Variants in PRRC2B observed in about 807,000 individuals in gnomAD.
PRRC2B encodes proline rich coiled-coil 2B, also known as protein PRRC2B.
PRRC2B carries 68 observed loss-of-function variants against 242.3 expected under a neutral mutation model. The ratio of observed to expected loss-of-function variants is 0.28; its 90% CI spans 0.23 to 0.34. PRRC2B has a LOEUF of 0.34. PRRC2B is among the 10% of genes least tolerant of loss of function. PRRC2B has a pLI of 1.00. For missense variants in PRRC2B, 2,835 were observed against 2,954.8 expected (o/e 0.96, Z 0.94); for synonymous variants, 1,228 against 1,173.6 (o/e 1.05, Z -0.95).
Position 131,475,545 on chromosome 9 carries a change from C to T in PRRC2B, c.3416C>T (p.Ser1139Leu), listed in dbSNP as rs745818187. The T allele has an allele frequency of 2.5e-6, 4 of 1,612,680 alleles. No individual in the cohort carries two copies. The highest frequency in any genetic ancestry group is 3.4e-6 in the Non-Finnish European group (4 of 1,179,778). Residue 1139 changes from serine to leucine, a missense_variant, in exon 16 of 32, where the codon TCA (serine) becomes TTA (leucine). Ser to Leu is a moderately radical substitution (Grantham distance 145). Coordinates refer to ENST00000683519, the MANE Select transcript of PRRC2B (RefSeq NM_013318.4). Reference protein sequence around the residue: ...RVASETHSEGSEYEELPKRRR... With the variant: ...RVASETHSEGLEYEELPKRRR... ...GCCAGTGAGACCCATAGCGAGGGCT[C>T]AGAGTATGAAGAACTTCCCAAGCGC...
At chr9:131,463,028 G>T (rs1034760883) in intron 11 of PRRC2B, among the ~76,000 whole-genome samples, 10 of 152,036 alleles carry the variant, frequency 6.6e-5, no homozygotes, top group African/African-American at 2.4e-4. Flanking sequence ...AGGCGTGAAG[G>T]CTATGTGCAG....
intron 1 of PRRC2B, among the ~76,000 whole-genome samples, chr9:131,428,089 T>C (rs1838022456): frequency 6.6e-6 from 1 of 151,548 alleles, no homozygotes; most frequent in South Asian, 2.1e-4. Flanking sequence ...GCCCAGCTAA[T>C]TTTTGTATTT....
intron 1 of PRRC2B, among the ~76,000 whole-genome samples, chr9:131,399,716 A>G (rs555882412): frequency 2.0e-5 from 3 of 152,350 alleles, no homozygotes; most frequent in Non-Finnish European, 4.4e-5. Context: ...TTTCTAAATT[A>G]GAGCAATAGT....
chr9:131,495,005 T>G (rs576424673), intron 31 of PRRC2B, among the ~76,000 whole-genome samples: 1 of 152,312 alleles, frequency 6.6e-6, no homozygotes, highest in South Asian at 2.1e-4. Context: ...CTTAAGCCCC[T>G]CAGACGTGGG....
chr9:131,457,734 G>A (rs553860662), intron 10 of PRRC2B, among the ~76,000 whole-genome samples: 1 of 151,960 alleles, frequency 6.6e-6, no homozygotes, highest in Non-Finnish European at 1.5e-5. Context: ...TTGACACCCT[G>A]CCCATAGTCA....
chr9:131,494,406 C>T lies in PRRC2B; in HGVS notation c.6475C>T (p.Pro2159Ser), dbSNP rs1334824735. The change falls in exon 31 of 32, where the codon CCT (proline) becomes TCT (serine). Residue 2159 changes from proline to serine, a missense_variant and splice_region_variant. Physicochemically the swap from Pro to Ser is moderately conservative, Grantham distance 74 (BLOSUM62 -1). Transcript: ENST00000683519. The surrounding 1 kb of genome is among the most constrained non-coding windows in gnomAD (Gnocchi z 4.3). ...AACCCCTGCCTTTGGTTTTTTCAGGCCTAGCTCTGCTAGCCCCAGTGGGAA... is the reference window on the plus strand; with the variant it reads ...AACCCCTGCCTTTGGTTTTTTCAGGTCTAGCTCTGCTAGCCCCAGTGGGAA... ...GPVPSPQTYR[P>S]SSASPSGKPS... The T allele has an allele frequency of 1.9e-6, 3 of 1,582,414 alleles. No homozygotes were observed. The highest frequency in any genetic ancestry group is 1.7e-5 in the Admixed American group (1 of 57,204).
intron 1 of PRRC2B, among the ~76,000 whole-genome samples, chr9:131,383,326 C>T (rs1316237063): frequency 1.3e-5 from 2 of 152,292 alleles, no homozygotes; most frequent in East Asian, 1.9e-4. Context: ...CATTTGAAAG[C>T]GGCCAGTCCA....
intron 9 of PRRC2B, among the ~76,000 whole-genome samples, chr9:131,451,292 G>A (rs1436852961): frequency 6.6e-6 from 1 of 152,138 alleles, no homozygotes; most frequent in Non-Finnish European, 1.5e-5. Context: ...CCAGCTACTT[G>A]GGAGGCGGAG....
chr9:131,487,145 G>T lies in PRRC2B; in HGVS notation c.5857-22G>T. 1.2e-6 allele frequency: 2 copies of T among 1,611,652 alleles called. No individual in the cohort carries two copies. Among genetic ancestry groups the T allele is most frequent in the South Asian group, 2.2e-5 (2 of 90,834 alleles). On this transcript the variant is annotated intron_variant, in intron 26 of 31. Transcript: ENST00000683519. The surrounding 1 kb of genome is among the most constrained non-coding windows in gnomAD (Gnocchi z 5.3). ...GGATGGGCCTTGCGGTTACCTCCCCGACCCCGTTTTCCCGTTCACAGGCCG... is the reference window on the plus strand; with the variant it reads ...GGATGGGCCTTGCGGTTACCTCCCCTACCCCGTTTTCCCGTTCACAGGCCG...
chr9:131,448,603 T>G (rs1838907172), intron 9 of PRRC2B, among the ~76,000 whole-genome samples: 1 of 140,552 alleles, frequency 7.1e-6, no homozygotes, highest in African/African-American at 2.6e-5. Context: ...TGTTTCCCAT[T>G]CTGGAGTGGA....
At chr9:131,464,421 C>T (rs1227649125) in intron 11 of PRRC2B, among the ~76,000 whole-genome samples, 1 of 152,188 alleles carries the variant, frequency 6.6e-6, no homozygotes, top group African/African-American at 2.4e-5. Context: ...AGGCCCTTAG[C>T]TTGCATGCCC....
intron 13 of PRRC2B, among the ~76,000 whole-genome samples, chr9:131,468,771 A>T (rs1056067916): frequency 5.9e-5 from 9 of 152,194 alleles, no homozygotes; most frequent in Non-Finnish European, 2.9e-5. Flanking sequence ...CCAAGGACTT[A>T]AGGCTTTTCC....
intron 1 of PRRC2B, among the ~76,000 whole-genome samples, chr9:131,415,434 G>T (rs1428621904): frequency 1.3e-5 from 2 of 152,252 alleles, no homozygotes. Context: ...CTCCCCTGGG[G>T]CTGGGGCTGG....
At chr9:131,444,556 C>T (rs905008700) in intron 6 of PRRC2B, among the ~76,000 whole-genome samples, 2 of 152,126 alleles carry the variant, frequency 1.3e-5, no homozygotes, top group South Asian at 4.1e-4. Flanking sequence ...CCTGTCCCCT[C>T]CCCCTCTGTC....
intron 1 of PRRC2B, among the ~76,000 whole-genome samples, chr9:131,376,257 G>T (rs1057364708): frequency 6.6e-6 from 1 of 151,850 alleles, no homozygotes; most frequent in Non-Finnish European, 1.5e-5. Context: ...GGGAGGCTGA[G>T]GCAGGAGAAT....
chr9:131,462,531 A>G (rs1943269457), intron 11 of PRRC2B, among the ~76,000 whole-genome samples: 1 of 151,262 alleles, frequency 6.6e-6, no homozygotes, highest in African/African-American at 2.4e-5. Context: ...CTGAATTTTT[A>G]AGAAAATTTT....
intron 1 of PRRC2B, among the ~76,000 whole-genome samples, chr9:131,376,013 C>T (rs1836678789): frequency 1.5e-5 from 2 of 137,066 alleles, no homozygotes; most frequent in African/African-American, 2.8e-5. Flanking sequence ...CTCGCCACTG[C>T]ACTCTAGCCT....
At chr9:131,491,605 A>G in intron 29 of PRRC2B, 25 bp downstream of exon 29, 1 of 1,584,340 alleles carries the variant, frequency 6.3e-7, no homozygotes, top group African/African-American at 1.3e-5. Flanking sequence ...TCTGCCTCTG[A>G]CCCTAGGGAG....
chr9:131,495,960 C>A lies in PRRC2B; in HGVS notation c.*86C>A. ...CACAGCCGACACTCGGGAGCCTCAC[C>A]AGATCCACCGTCCAAATGCGTGGCC... On this transcript the variant is annotated 3_prime_UTR_variant, in exon 32 of 32. Transcript: ENST00000683519. The A allele has an allele frequency of 6.5e-7, 1 of 1,545,524 alleles. No individual in the cohort carries two copies. Among genetic ancestry groups the A allele is most frequent in the East Asian group, 2.3e-5 (1 of 43,664 alleles).
Sources: gnomAD v4.1 joint callset for allele counts (sites outside exome capture counted in the v4.1 genomes callset) on GRCh38, gnomAD v4.1.1 for gene constraint, Gnocchi (gnomAD v3.1) non-coding constraint, MANE v1.5 for transcripts, NCBI Gene and HGNC (gene_info 2026-07-23, HGNC 2026-07-21) for gene names.